DLG2: variants seen among roughly 807,000 people sequenced by gnomAD.
The protein encoded by DLG2 is discs large MAGUK scaffold protein 2.
DLG2 carries 45 observed loss-of-function variants against 132.5 expected under a neutral mutation model. The observed-to-expected ratio is 0.34, with a 90% CI of 0.27 to 0.44. The LOEUF is 0.44. Ranked by LOEUF, DLG2 falls within the 20% of genes least tolerant of loss-of-function variation. The pLI is 1.00. For missense variants in DLG2, 1,045 were observed against 1,196.9 expected, an observed-to-expected ratio of 0.87 and a Z score of 1.87; for synonymous variants, 424 against 419.6, an observed-to-expected ratio of 1.01 and a Z score of -0.13.
intron 8 of DLG2, among the ~76,000 whole-genome samples, chr11:84,242,984 T>C (rs1198871928): frequency 7.3e-6 from 1 of 136,848 alleles, no homozygotes; most frequent in Non-Finnish European, 1.6e-5. Flanking sequence ...GTTTTGATGA[T>C]TAATTAGGTT....
chr11:83,707,250 T>C (rs2084234515), intron 18 of DLG2, among the ~76,000 whole-genome samples: 1 of 152,144 alleles, frequency 6.6e-6, no homozygotes, highest in African/African-American at 2.4e-5. Flanking sequence ...AGAACAGAAG[T>C]AGAAATCAGT....
chr11:83,987,484 G>C (rs1482979689), intron 11 of DLG2, among the ~76,000 whole-genome samples: 1 of 152,092 alleles, frequency 6.6e-6, no homozygotes, highest in African/African-American at 2.4e-5. Context: ...GCATGGTACT[G>C]GTACCAAAAC....
intron 4 of DLG2, among the ~76,000 whole-genome samples, chr11:85,262,331 C>A (rs952597433): frequency 6.6e-6 from 1 of 152,102 alleles, no homozygotes; most frequent in African/African-American, 2.4e-5. Context: ...TATACAAAGG[C>A]TGGAATGTAA....
At position 83,459,911 on chromosome 11, in the gene DLG2, T is replaced by C; in HGVS notation, c.2835A>G (p.Gly945=). The change falls in exon 28 of 28, where the codon GGA becomes GGG. Residue 945 remains glycine (G), a synonymous_variant. Transcript: ENST00000376104. ...GGTTATATATATCTTCTAAAGTATC[T>C]CCTTGGACAATAGCTGTAACAAAAG... ...FGEYFTAIVQ[G]DTLEDIYNQC... 1 of 1,586,830 alleles carries C rather than the reference T, an allele frequency of 6.3e-7. No homozygotes were observed. The highest frequency in any genetic ancestry group is 8.6e-7 in the Non-Finnish European group (1 of 1,156,254).
chr11:85,479,424 G>A (rs1044937626), intron 3 of DLG2, among the ~76,000 whole-genome samples: 6 of 152,098 alleles, frequency 3.9e-5, no homozygotes, highest in Non-Finnish European at 8.8e-5. Context: ...CCTCCAAAAG[G>A]CCTCCAAATA....
At chr11:84,559,103 A>G (rs1204636221) in intron 6 of DLG2, among the ~76,000 whole-genome samples, 1 of 152,202 alleles carries the variant, frequency 6.6e-6, no homozygotes, top group Non-Finnish European at 1.5e-5. Context: ...CTTGCTGAAT[A>G]AATGAATGAA....
intron 7 of DLG2, among the ~76,000 whole-genome samples, chr11:84,276,772 T>C (rs1300831657): frequency 1.3e-5 from 2 of 152,164 alleles, no homozygotes; most frequent in Non-Finnish European, 2.9e-5. Context: ...CTACCATACG[T>C]TGAGTGCTTT....
At chr11:84,480,517 T>C (rs2099134081) in intron 7 of DLG2, among the ~76,000 whole-genome samples, 1 of 151,916 alleles carries the variant, frequency 6.6e-6, no homozygotes, top group South Asian at 2.1e-4. Flanking sequence ...CAGAAAGATA[T>C]AACTAAAACA....
chr11:85,370,900 A>G (rs765082976), intron 3 of DLG2, among the ~76,000 whole-genome samples: 6 of 152,122 alleles, frequency 3.9e-5, no homozygotes, highest in Non-Finnish European at 8.8e-5. Context: ...TATGTTCCAG[A>G]ATTGTATGGG....
rs147308833 is a variant in DLG2, at chr11:85,122,215, A to C, written c.283-10480T>G. 2.1e-3 allele frequency among the ~76,000 whole-genome samples: 327 copies of C among 152,350 alleles called. 1 individual carries two copies. The highest frequency in any genetic ancestry group is 7.5e-3 in the African/African-American group (313 of 41,590). On this transcript the variant is annotated intron_variant, in intron 5 of 27. Transcript: ENST00000376104. ...AAGCTAACTACACAACCAGATAAAG[A>C]CTATAACAAAGATGCAGACAATGTG...
At chr11:85,590,146 C>T (rs2079220219) in intron 3 of DLG2, among the ~76,000 whole-genome samples, 2 of 152,076 alleles carry the variant, frequency 1.3e-5, no homozygotes, top group African/African-American at 4.8e-5. Context: ...CACTAAAACC[C>T]CAGAGCCTAA....
At chr11:83,785,762 C>G (rs369592121) in intron 18 of DLG2, among the ~76,000 whole-genome samples, 16 of 152,196 alleles carry the variant, frequency 1.1e-4, no homozygotes, top group South Asian at 2.1e-4. Flanking sequence ...TCGATGCTAA[C>G]AAATCATCAC....
rs57863742 is a variant in DLG2 at position 84,667,498 on chromosome 11, G to GTTTTTTTTTTT, written c.358-132778_358-132768dup. 1.0e-3 allele frequency among the ~76,000 whole-genome samples: 128 copies of GTTTTTTTTTTT among 122,234 alleles called. 1 individual carries two copies. Among genetic ancestry groups the GTTTTTTTTTTT allele is most frequent in the South Asian group, 3.2e-3 (12 of 3,766 alleles). The allele number at this position is 122,234 out of a possible 152,430, so 80.2% of individuals were successfully genotyped here. On this transcript the variant is annotated intron_variant, in intron 6 of 27. Coordinates refer to ENST00000376104, the MANE Select transcript of DLG2 (RefSeq NM_001142699.3). ...TTTTTGTTTTTGTTTTTTGTTTTTT[G>GTTTTTTTTTTT]TTTTTTTTTTTTTTTTGAGTCATAG...
chr11:85,247,826 A>G (rs1162989301), intron 4 of DLG2, among the ~76,000 whole-genome samples: 1 of 152,084 alleles, frequency 6.6e-6, no homozygotes, highest in Non-Finnish European at 1.5e-5. Flanking sequence ...ACAGGAGTAT[A>G]TATTATATTA....
At chr11:84,654,028 G>T (rs1055523344) in intron 6 of DLG2, among the ~76,000 whole-genome samples, 1 of 152,096 alleles carries the variant, frequency 6.6e-6, no homozygotes, top group Non-Finnish European at 1.5e-5. Flanking sequence ...AAGACTGAAT[G>T]CTTTCTTAAT....
At chr11:83,943,829 C>A (rs1039425041) in intron 14 of DLG2, among the ~76,000 whole-genome samples, 1 of 152,188 alleles carries the variant, frequency 6.6e-6, no homozygotes, top group Non-Finnish European at 1.5e-5. Flanking sequence ...GCTAGAAGAT[C>A]TGGGTTCAAA....
chr11:84,670,662 T>C (rs2099704823), intron 6 of DLG2, among the ~76,000 whole-genome samples: 1 of 152,126 alleles, frequency 6.6e-6, no homozygotes, highest in Admixed American at 6.5e-5. Context: ...CTAATCACAA[T>C]ACATCTCCAT....
intron 19 of DLG2, among the ~76,000 whole-genome samples, chr11:83,580,052 A>G (rs1426122170): frequency 2.0e-5 from 3 of 152,078 alleles, no homozygotes; most frequent in Non-Finnish European, 4.4e-5. Flanking sequence ...TACAACTTAT[A>G]CACTTTTAAA....
At chr11:83,670,647 A>T (rs2076681372) in intron 18 of DLG2, among the ~76,000 whole-genome samples, 1 of 152,016 alleles carries the variant, frequency 6.6e-6, no homozygotes. Context: ...CAGCAATTCC[A>T]TCTGGTCTGC....
Sources: allele counts gnomAD v4.1 joint callset (sites outside exome capture counted in the v4.1 genomes callset), GRCh38; gene constraint gnomAD v4.1.1; transcripts MANE v1.5; gene names NCBI Gene and HGNC (gene_info 2026-07-23, HGNC 2026-07-21).